Variants in SLC39A5 observed in about 807,000 individuals in gnomAD.
SLC39A5 encodes zinc transporter ZIP5.
In SLC39A5, 42 loss-of-function variants were observed where a neutral mutation model predicts 46.9. The ratio of observed to expected loss-of-function variants is 0.90; its 90% confidence interval spans 0.70 to 1.16. The LOEUF (loss-of-function observed/expected upper bound fraction) is 1.16. SLC39A5 is among the 50% of genes most tolerant of loss of function. SLC39A5 has a pLI of 0.00. For missense variants in SLC39A5, 677 were observed against 686.8 expected, an observed-to-expected ratio of 0.99 and a Z score of 0.16; for synonymous variants, 311 against 323.1, an observed-to-expected ratio of 0.96 and a Z score of 0.40.
At chr12:56,235,473 A>G (rs912062751) in intron 7 of SLC39A5, 87 bp from the exon 8 acceptor site, 16 of 1,539,176 alleles carry the variant, frequency 1.0e-5, no homozygotes, top group Middle Eastern at 1.8e-4. Context: ...AGTAGAGCAT[A>G]TGAGCGAAGG....
Position 56,231,161 on chromosome 12 carries a change from T to C in SLC39A5, c.-71-43T>C, listed in dbSNP as rs1434350817. 16 of 1,227,520 alleles carry C rather than the reference T, an allele frequency of 1.3e-5. 1 individual carries two copies. Among genetic ancestry groups the C allele is most frequent in the South Asian group, 1.2e-4 (8 of 66,682 alleles). 76.0% of individuals were successfully genotyped at this position (1,227,520 alleles called of 1,614,324 possible). On this transcript the variant is annotated intron_variant, in intron 3 of 12. Coordinates refer to ENST00000454355, the MANE Select transcript of SLC39A5 (RefSeq NM_173596.3). The stretch of plus-strand genomic sequence containing the variant: ...CTCTGGCTCCCCCATGGACCTGAGC[T>C]GGAGAGCAGAGCGCAGCTCCAGCCC...
chr12:56,236,795 C>T, intron 10 of SLC39A5, 49 bp downstream of exon 10: 1 of 1,576,994 alleles, frequency 6.3e-7, no homozygotes. Flanking sequence ...GAGGCCAGGG[C>T]TCCTAGTTAT....
rs760003558 is a variant in SLC39A5 at position 56,237,574 on chromosome 12, T to C, written c.1480-14T>C. The stretch of plus-strand genomic sequence containing the variant: ...GGGCAAGGCCAGAATCCTGACATCC[T>C]CTTTTTCTTTCAGCTACCAGCCCTG... On this transcript the variant is annotated splice_polypyrimidine_tract_variant and intron_variant, in intron 12 of 12. Transcript: ENST00000454355. 1 of 1,613,554 alleles carries C rather than the reference T, an allele frequency of 6.2e-7. No homozygotes were observed. Among genetic ancestry groups the C allele is most frequent in the Non-Finnish European group, 8.5e-7 (1 of 1,179,880 alleles).
In SLC39A5 at chr12:56,237,342, T is replaced by G; in HGVS notation, c.1479+2T>G. The G allele has an allele frequency of 6.3e-7, 1 of 1,583,602 alleles. No homozygotes were observed. The highest frequency in any genetic ancestry group is 1.2e-5 in the South Asian group (1 of 86,488). On this transcript the variant is annotated splice_donor_variant, in intron 12 of 12. Coordinates refer to ENST00000454355, the MANE Select transcript of SLC39A5 (RefSeq NM_173596.3). LOFTEE classifies it high-confidence loss of function. Reference sequence around the variant, plus strand: ...CTCTATGTGGCCCTTGTGGACATGGTGAGAGATGTCGGGTAGAGCAGAGAA... The same window carrying G: ...CTCTATGTGGCCCTTGTGGACATGGGGAGAGATGTCGGGTAGAGCAGAGAA...
intron 5 of SLC39A5, 108 bp from the exon 6 acceptor site, chr12:56,234,716 C>G (rs1446191547): frequency 5.6e-6 from 7 of 1,241,288 alleles, no homozygotes; most frequent in African/African-American, 1.5e-5. Flanking sequence ...CCGCCTGGGC[C>G]TCTCAAGGGC....
At position 56,236,680 on chromosome 12, in the gene SLC39A5, A is replaced by T; in HGVS notation, c.1141A>T (p.Thr381Ser). Residue 381 changes from threonine to serine, a missense_variant, in exon 10 of 13, where the codon ACT becomes TCT. Thr to Ser is a moderately conservative substitution (Grantham distance 58). Coordinates refer to ENST00000454355, the MANE Select transcript of SLC39A5 (RefSeq NM_173596.3). Reference sequence around the variant, plus strand: ...CCACAGTCATGGGCACCAGGGTGGCACTGATATCACGTGGATGGTCCTCCT... The same window carrying T: ...CCACAGTCATGGGCACCAGGGTGGCTCTGATATCACGTGGATGGTCCTCCT... Reference protein sequence around the residue: ...QGHSHGHQGGTDITWMVLLGD... With the variant: ...QGHSHGHQGGSDITWMVLLGD... The T allele has an allele frequency of 1.9e-6, 3 of 1,613,522 alleles. No individual in the cohort carries two copies. Among genetic ancestry groups the T allele is most frequent in the Non-Finnish European group, 1.7e-6 (2 of 1,179,640 alleles).
chr12:56,236,925 C>T lies in SLC39A5; in HGVS notation c.1208-6C>T, dbSNP rs1316215253. ...GACTGACAACTTCCGACCCTGCTGG[C>T]CCCAGGTGCTGCCTTCTCTGATGGC... On this transcript the variant is annotated splice_polypyrimidine_tract_variant and splice_region_variant and intron_variant, in intron 10 of 12. Transcript: ENST00000454355. The T allele has an allele frequency of 1.9e-6, 3 of 1,613,994 alleles. No homozygotes were observed. Among genetic ancestry groups the T allele is most frequent in the Middle Eastern group, 3.3e-4 (2 of 6,058 alleles).
Position 56,234,939 on chromosome 12 carries a change from T to C in SLC39A5, c.587T>C (p.Val196Ala). 2 of 1,613,774 alleles carry C rather than the reference T, an allele frequency of 1.2e-6. No homozygotes were observed. Among genetic ancestry groups the C allele is most frequent in the African/African-American group, 1.3e-5 (1 of 75,054 alleles). Reference protein sequence around the residue: ...PALLYQIDSRVCIGAPAPAPP... With the variant: ...PALLYQIDSRACIGAPAPAPP... ...CTGCTTTATCAGATCGACAGCCGCG[T>C]CTGCATCGGCGCTCCGGCCCCTGCA... Residue 196 changes from valine to alanine, a missense_variant, in exon 6 of 13, where the codon GTC (valine) becomes GCC (alanine). By Grantham distance (64) the Val-to-Ala change is moderately conservative. Coordinates refer to ENST00000454355, the MANE Select transcript of SLC39A5 (RefSeq NM_173596.3).
chr12:56,232,961 G>A (rs1018010644), intron 5 of SLC39A5, 89 bp downstream of exon 5: 36 of 1,395,870 alleles, frequency 2.6e-5, no homozygotes, highest in South Asian at 1.6e-4. Context: ...GTTTTGTTTT[G>A]TTTTTAAATC....
intron 3 of SLC39A5, 145 bp downstream of exon 3, chr12:56,231,018 G>T: frequency 2.0e-6 from 1 of 488,118 alleles, no homozygotes; most frequent in Non-Finnish European, 3.6e-6. Context: ...CTCTGACTCA[G>T]GGAGGTGCTC....
In SLC39A5 at chr12:56,235,816, G is replaced by C. The variant is rs962324673; in HGVS notation, c.945+116G>C. 12 of 1,370,476 alleles carry C rather than the reference G, an allele frequency of 8.8e-6. No homozygotes were observed. In the African/African-American group the frequency reaches 1.3e-4, roughly 15 times the overall value. The allele number at this position is 1,370,476 out of a possible 1,614,324, so 84.9% of individuals were successfully genotyped here. A position where few individuals can be genotyped will look rare whatever the true frequency, so the allele number is the denominator to read the frequency against. Reference sequence around the variant, plus strand: ...TCCCAGCACTTTGGGAGCCCAAGGCGGGCAGATCACAAGGTTAGGAGTTCG... The same window carrying C: ...TCCCAGCACTTTGGGAGCCCAAGGCCGGCAGATCACAAGGTTAGGAGTTCG... On this transcript the variant is annotated intron_variant, in intron 8 of 12. Transcript: ENST00000454355.
chr12:56,232,961 GT>G (rs945695996), intron 5 of SLC39A5, 89 bp downstream of exon 5: 7 of 1,395,870 alleles, frequency 5.0e-6, no homozygotes, highest in Non-Finnish European at 6.8e-6. Flanking sequence ...GTTTTGTTTT[GT>G]TTTTAAATCC....
rs750130241 is a variant in SLC39A5, at chr12:56,236,931, G to C, written c.1208G>C (p.Gly403Ala). 1.5e-5 allele frequency: 24 copies of C among 1,613,992 alleles called. No individual in the cohort carries two copies. The South Asian group carries it at 1.8e-4, about 12-fold the overall frequency. ...LHNLTDGLAI[G>A]AAFSDGFSSG... ...CAACTTCCGACCCTGCTGGCCCCAG[G>C]TGCTGCCTTCTCTGATGGCTTCTCC... is the stretch of plus-strand genomic sequence containing the variant. Residue 403 changes from glycine to alanine, a missense_variant and splice_region_variant, in exon 11 of 13, where the codon GGT becomes GCT. By Grantham distance (60) the Gly-to-Ala change is moderately conservative (BLOSUM62 0). Transcript: ENST00000454355.
At chr12:56,232,507 C>T (rs1354356531) in intron 4 of SLC39A5, among the ~76,000 whole-genome samples, 182 bp from the exon 5 acceptor site, 1 of 152,040 alleles carries the variant, frequency 6.6e-6, no homozygotes, top group Admixed American at 6.6e-5. Context: ...TTTCTGTCCC[C>T]CCCAGTGGCA....
At chr12:56,235,125 C>G (rs2135857582) in intron 6 of SLC39A5, 32 bp from the exon 7 acceptor site, 1 of 1,546,466 alleles carries the variant, frequency 6.5e-7, no homozygotes, top group South Asian at 1.3e-5. Flanking sequence ...TCCTCTTGCC[C>G]TGACCTAACT....
chr12:56,235,755 C>T, intron 8 of SLC39A5, 55 bp downstream of exon 8: 1 of 1,605,296 alleles, frequency 6.2e-7, no homozygotes. Context: ...CAGTCAAGAA[C>T]TGGGCCAGGC....
rs1375565440 is a variant in SLC39A5, at chr12:56,237,791, C to T, written c.*60C>T. 1.0e-5 allele frequency: 15 copies of T among 1,489,272 alleles called. No homozygotes were observed. Among genetic ancestry groups the T allele is most frequent in the South Asian group, 4.1e-5 (3 of 73,000 alleles). 92.3% of individuals were successfully genotyped at this position (1,489,272 alleles called of 1,614,324 possible). On this transcript the variant is annotated 3_prime_UTR_variant, in exon 13 of 13. Transcript: ENST00000454355. The stretch of plus-strand genomic sequence containing the variant: ...TTCCCCCCAACCACAGGAATGGAGG[C>T]GGGACACAGGGCCAGTAGGAGCAAT...
At position 56,236,678 on chromosome 12, in the gene SLC39A5, G is replaced by A. The variant is rs762204028; in HGVS notation, c.1139G>A (p.Gly380Asp). The A allele has an allele frequency of 6.2e-7, 1 of 1,613,530 alleles. No individual in the cohort carries two copies. Residue 380 changes from glycine (G) to aspartate (D), a missense_variant, in exon 10 of 13, where the codon GGC (glycine) becomes GAC (aspartate). Transcript: ENST00000454355. ...GGCCACAGTCATGGGCACCAGGGTG[G>A]CACTGATATCACGTGGATGGTCCTC... is the stretch of plus-strand genomic sequence containing the variant. ...HQGHSHGHQG[G>D]TDITWMVLLG...
intron 8 of SLC39A5, 48 bp downstream of exon 8, chr12:56,235,748 T>A: frequency 6.2e-7 from 1 of 1,609,138 alleles, no homozygotes; most frequent in South Asian, 1.1e-5. Context: ...AGAGTCCCAG[T>A]CAAGAACTGG....
Sources: allele counts gnomAD v4.1 joint callset (sites outside exome capture counted in the v4.1 genomes callset), GRCh38; gene constraint gnomAD v4.1.1; transcripts MANE v1.5; gene names NCBI Gene and HGNC (gene_info 2026-07-23, HGNC 2026-07-21).